Variants in PLEKHA7 observed in about 807,000 individuals in gnomAD.
PLEKHA7 encodes the protein pleckstrin homology domain containing A7, also known as pleckstrin homology domain-containing family A member 7.
A neutral mutation model predicts 170.0 loss-of-function variants in PLEKHA7; 104 were observed. The ratio of observed to expected loss-of-function variants is 0.61; its 90% CI spans 0.52 to 0.72. PLEKHA7 has a LOEUF of 0.72. PLEKHA7 is among the 30% of genes least tolerant of loss of function. The pLI is 0.00. For synonymous variants in PLEKHA7, 648 were observed against 660.8 expected (o/e 0.98, Z 0.30); for missense variants, 1,615 against 1,671.7 (o/e 0.97, Z 0.59).
At chr11:16,838,897 A>T (rs979966506) in intron 9 of PLEKHA7, among the ~76,000 whole-genome samples, 4 of 152,122 alleles carry the variant, frequency 2.6e-5, no homozygotes, top group Non-Finnish European at 4.4e-5. Flanking sequence ...CGTGTTAGCC[A>T]GGATGGTCTC....
chr11:16,843,575 A>G (rs1023528884), intron 8 of PLEKHA7, among the ~76,000 whole-genome samples: 3 of 152,238 alleles, frequency 2.0e-5, no homozygotes, highest in East Asian at 3.8e-4. Flanking sequence ...CTTCCTTTGC[A>G]TGTATCAGCT....
chr11:16,801,589 A>G (rs1848599887), intron 16 of PLEKHA7, 79 bp downstream of exon 16: 2 of 1,560,256 alleles, frequency 1.3e-6, no homozygotes, highest in Non-Finnish European at 8.7e-7. Context: ...CACCAACTCA[A>G]CTACATCTTG....
chr11:16,802,248 G>A (rs1848643667), intron 15 of PLEKHA7, among the ~76,000 whole-genome samples: 2 of 152,220 alleles, frequency 1.3e-5, no homozygotes, highest in Middle Eastern at 3.2e-3. Context: ...AATGTTGGTG[G>A]CCCCTGGCCC....
Position 16,817,217 on chromosome 11 carries a change from G to GC in PLEKHA7, c.1448dup (p.Ser484LeufsTer11). The GC allele has an allele frequency of 1.2e-6, 2 of 1,614,032 alleles. No individual in the cohort carries two copies. The highest frequency in any genetic ancestry group is 1.7e-6 in the Non-Finnish European group (2 of 1,179,982). ...GCAGGTTTCGGGGAGGTGGCGAGGA[G>GC]CCCCCCGAGGGGTGTCGGGTGCTCT... On this transcript the variant is annotated frameshift_variant, in exon 11 of 27. Coordinates refer to ENST00000531066, the MANE Select transcript of PLEKHA7 (RefSeq NM_001329630.2). LOFTEE classifies it high-confidence loss of function. The surrounding 1 kb of genome is among the most constrained non-coding windows in gnomAD (Gnocchi z 4.4).
At chr11:16,869,662 G>A (rs1352319231) in intron 4 of PLEKHA7, among the ~76,000 whole-genome samples, 3 of 152,182 alleles carry the variant, frequency 2.0e-5, no homozygotes, top group Admixed American at 2.0e-4. Flanking sequence ...ATAATCTAGG[G>A]GATGAAGGTG....
intron 8 of PLEKHA7, 85 bp from the exon 9 acceptor site, chr11:16,841,807 C>T (rs958982865): frequency 6.6e-5 from 90 of 1,363,538 alleles, no homozygotes; most frequent in Admixed American, 9.0e-5. Flanking sequence ...GCACTATGGC[C>T]CTTCTAGTCT....
At chr11:16,834,277 A>AT (rs2135125201) in intron 9 of PLEKHA7, among the ~76,000 whole-genome samples, 1 of 152,352 alleles carries the variant, frequency 6.6e-6, no homozygotes, top group South Asian at 2.1e-4. Context: ...AAGTGCTGGG[A>AT]TTACAGGCAT....
intron 13 of PLEKHA7, chr11:16,803,567 T>C (rs1848749339): frequency 4.6e-6 from 2 of 437,888 alleles, no homozygotes; most frequent in South Asian, 2.8e-5. Context: ...GGATCATCAA[T>C]TTTAAAAGTA....
At chr11:16,888,709 G>A (rs906396303) in intron 3 of PLEKHA7, among the ~76,000 whole-genome samples, 1 of 152,044 alleles carries the variant, frequency 6.6e-6, no homozygotes, top group Non-Finnish European at 1.5e-5. Flanking sequence ...CAAACACTGC[G>A]CAAGGCCGCA....
At chr11:16,790,718 A>G in intron 21 of PLEKHA7, 80 bp downstream of exon 21, 2 of 1,403,062 alleles carry the variant, frequency 1.4e-6, no homozygotes. Flanking sequence ...CTGCAGGCAG[A>G]AGGGTACGAG....
At chr11:16,840,499 G>T (rs1168927350) in intron 9 of PLEKHA7, among the ~76,000 whole-genome samples, 4 of 152,198 alleles carry the variant, frequency 2.6e-5, no homozygotes, top group African/African-American at 9.7e-5. Flanking sequence ...GGCAGAGGTT[G>T]CAGTGAGCCA....
At position 16,826,294 on chromosome 11, in the gene PLEKHA7, C is replaced by A; in HGVS notation, c.1169G>T (p.Arg390Leu). The A allele has an allele frequency of 6.2e-7, 1 of 1,614,244 alleles. No individual in the cohort carries two copies. Among genetic ancestry groups the A allele is most frequent in the Middle Eastern group, 1.6e-4 (1 of 6,062 alleles). Residue 390 changes from arginine to leucine, a missense_variant, in exon 10 of 27, where the codon CGG becomes CTG. Physicochemically the swap from Arg to Leu is moderately radical, Grantham distance 102 (BLOSUM62 -2). Transcript: ENST00000531066. ...AGGCAGCATTCCATTCTTCTCTGCCCGTTGGGGCTGTGCCTGCTGGCCTCT... is the reference window on the plus strand; with the variant it reads ...AGGCAGCATTCCATTCTTCTCTGCCAGTTGGGGCTGTGCCTGCTGGCCTCT... ...GPRGQQAQPQ[R>L]AEKNGMLPAS...
At chr11:16,969,631 C>T (rs548887418) in intron 3 of PLEKHA7, among the ~76,000 whole-genome samples, 13 of 152,274 alleles carry the variant, frequency 8.5e-5, no homozygotes, top group Admixed American at 5.2e-4. Context: ...ACCCCTAGGA[C>T]AGGCCCATGT....
chr11:16,961,094 C>T (rs557511633), intron 3 of PLEKHA7, among the ~76,000 whole-genome samples: 76 of 152,338 alleles, frequency 5.0e-4, no homozygotes, highest in African/African-American at 1.7e-3. Flanking sequence ...CTGAAACATT[C>T]CTCCTCATTA....
chr11:16,974,090 CACTT>C (rs1862896647), intron 3 of PLEKHA7, among the ~76,000 whole-genome samples: 1 of 152,068 alleles, frequency 6.6e-6, no homozygotes, highest in Non-Finnish European at 1.5e-5. Flanking sequence ...ATTTAAGACT[CACTT>C]AAAAATTTTA....
chr11:16,819,426 A>G (rs936712652), intron 10 of PLEKHA7, among the ~76,000 whole-genome samples: 3 of 152,224 alleles, frequency 2.0e-5, no homozygotes, highest in African/African-American at 7.2e-5. Flanking sequence ...AAGGAAAAAA[A>G]ATTAAGCAAG....
chr11:16,807,136 C>A (rs985681616), intron 13 of PLEKHA7: 33 of 980,970 alleles, frequency 3.4e-5, no homozygotes, highest in Non-Finnish European at 4.0e-5. Context: ...CGGATCAGAT[C>A]ATCTTACGCT....
At chr11:16,980,096 C>T (rs1863332848) in intron 3 of PLEKHA7, among the ~76,000 whole-genome samples, 1 of 152,216 alleles carries the variant, frequency 6.6e-6, no homozygotes, top group South Asian at 2.1e-4. Flanking sequence ...CTTAGACCTC[C>T]CTGATCCATG....
rs530162471 is a variant in PLEKHA7, at chr11:16,861,385, T to A, written c.306-5471A>T. Among the ~76,000 whole-genome samples the A allele has an allele frequency of 1.7e-3, 249 of 148,536 alleles. 6 individuals carry two copies. Among genetic ancestry groups the A allele is most frequent in the Non-Finnish European group, 2.2e-3 (149 of 67,354 alleles). On this transcript the variant is annotated intron_variant, in intron 4 of 26. Transcript: ENST00000531066. ...AATTAAAAAAAAAAAAAAAATCAGCTAGGCGCAGTGGCTTACACCAGTAAT... is the reference window on the plus strand; with the variant it reads ...AATTAAAAAAAAAAAAAAAATCAGCAAGGCGCAGTGGCTTACACCAGTAAT...
Sources: allele counts gnomAD v4.1 joint callset (sites outside exome capture counted in the v4.1 genomes callset), GRCh38; gene constraint gnomAD v4.1.1; non-coding constraint Gnocchi (gnomAD v3.1); transcripts MANE v1.5; gene names NCBI Gene and HGNC (gene_info 2026-07-23, HGNC 2026-07-21).